The following ITFG1 variants were observed in gnomAD, a reference collection of about 807,000 sequenced individuals.
ITFG1 encodes the protein T-cell immunomodulatory protein.
Under a neutral mutation model 81.8 loss-of-function variants are expected in ITFG1, and 34 were observed. That is an observed-to-expected ratio of 0.42 (90% CI 0.32 to 0.55). The LOEUF is 0.55. ITFG1 is among the 20% of genes least tolerant of loss of function. The pLI is 0.17. For synonymous variants in ITFG1, 285 were observed against 270.6 expected (o/e 1.05, Z -0.52); for missense variants, 672 against 755.4 (o/e 0.89, Z 1.29).
chr16:47,316,549 A>T (rs895679527), intron 8 of ITFG1, among the ~76,000 whole-genome samples: 1 of 152,178 alleles, frequency 6.6e-6, no homozygotes, highest in African/African-American at 2.4e-5. Flanking sequence ...TGTGCTATCT[A>T]TATTTCAGTT....
chr16:47,221,567 G>A (rs1042702905), intron 13 of ITFG1, among the ~76,000 whole-genome samples: 24 of 152,104 alleles, frequency 1.6e-4, no homozygotes, highest in African/African-American at 5.6e-4. Flanking sequence ...GTCTCTGCCC[G>A]GCTTTGGTAT....
chr16:47,279,618 T>G (rs1197526143), intron 10 of ITFG1, among the ~76,000 whole-genome samples: 1 of 152,160 alleles, frequency 6.6e-6, no homozygotes, highest in Non-Finnish European at 1.5e-5. Context: ...GCTATTTTGG[T>G]TCCTTTGTCT....
rs1043374524 is a variant in ITFG1 at position 47,259,147 on chromosome 16, G to A, written c.1222-407C>T. 2.0e-5 allele frequency among the ~76,000 whole-genome samples: 3 copies of A among 152,102 alleles called. No homozygotes were observed. The South Asian group carries it at 6.2e-4, about 32-fold the overall frequency. On this transcript the variant is annotated intron_variant, in intron 11 of 17. Coordinates refer to ENST00000320640, the MANE Select transcript of ITFG1 (RefSeq NM_030790.5). Reference sequence around the variant, plus strand: ...AGGAGGGAGCTTTGCTAATTTTGTCGAAGGAAATAAATGTATGCTTATTTA... The same window carrying A: ...AGGAGGGAGCTTTGCTAATTTTGTCAAAGGAAATAAATGTATGCTTATTTA...
At chr16:47,413,471 G>T (rs1281868687) in intron 6 of ITFG1, among the ~76,000 whole-genome samples, 2 of 152,204 alleles carry the variant, frequency 1.3e-5, no homozygotes, top group Non-Finnish European at 2.9e-5. Context: ...AAGGTGGACA[G>T]ATCACTTGAG....
chr16:47,177,280 T>C (rs765721542), intron 14 of ITFG1, among the ~76,000 whole-genome samples: 1 of 152,220 alleles, frequency 6.6e-6, no homozygotes, highest in African/African-American at 2.4e-5. Context: ...GATATATCTA[T>C]TAAAATCTTC....
intron 6 of ITFG1, among the ~76,000 whole-genome samples, chr16:47,395,043 T>A (rs1968577664): frequency 6.6e-6 from 1 of 152,170 alleles, no homozygotes; most frequent in Non-Finnish European, 1.5e-5. Context: ...AAGAGAAATG[T>A]GAACATCTTG....
chr16:47,167,199 T>C (rs1013890813), intron 14 of ITFG1, among the ~76,000 whole-genome samples: 3 of 152,232 alleles, frequency 2.0e-5, no homozygotes, highest in African/African-American at 7.2e-5. Context: ...TGTGTCTGGC[T>C]TCTTTCACTT....
chr16:47,379,309 T>C (rs991247049), intron 6 of ITFG1, among the ~76,000 whole-genome samples: 49 of 152,254 alleles, frequency 3.2e-4, no homozygotes, highest in African/African-American at 1.1e-3. Flanking sequence ...TTCATGCCCA[T>C]GAATCTCAGT....
rs535219336 is a variant in ITFG1, at chr16:47,376,022, A to C, written c.656-82T>G. On this transcript the variant is annotated intron_variant, in intron 6 of 17. Transcript: ENST00000320640. ...TAAAAACAGAAAAAAAATGCAATAC[A>C]TTAAAAGAATTGACACAATTCTACT... 230 of 712,920 alleles carry C rather than the reference A, an allele frequency of 3.2e-4. 1 individual carries two copies. In the South Asian group the frequency reaches 3.8e-3, roughly 12 times the overall value. 44.2% of individuals were successfully genotyped at this position (712,920 alleles called of 1,614,324 possible). A position where few individuals can be genotyped will look rare whatever the true frequency, so the allele number is the denominator to read the frequency against.
At chr16:47,453,212 T>A (rs1969410654) in intron 3 of ITFG1, among the ~76,000 whole-genome samples, 1 of 152,228 alleles carries the variant, frequency 6.6e-6, no homozygotes, top group East Asian at 1.9e-4. Context: ...TTTATTGACT[T>A]AATGAATATA....
chr16:47,416,159 G>T (rs1021743128), intron 6 of ITFG1, among the ~76,000 whole-genome samples: 11 of 151,802 alleles, frequency 7.2e-5, no homozygotes, highest in Non-Finnish European at 1.6e-4. Context: ...TTCATATGCA[G>T]AAACTCTTCA....
intron 6 of ITFG1, among the ~76,000 whole-genome samples, chr16:47,389,800 G>A (rs554348147): frequency 6.6e-6 from 1 of 152,230 alleles, no homozygotes; most frequent in African/African-American, 2.4e-5. Context: ...AGTTAAAAAA[G>A]TTACTAAAGG....
At chr16:47,411,387 T>C (rs975753961) in intron 6 of ITFG1, among the ~76,000 whole-genome samples, 2 of 152,002 alleles carry the variant, frequency 1.3e-5, no homozygotes, top group Non-Finnish European at 2.9e-5. Context: ...TTGGGGCAGA[T>C]ACCGGGGAGG....
intron 8 of ITFG1, among the ~76,000 whole-genome samples, chr16:47,329,761 G>T (rs1347079457): frequency 6.6e-6 from 1 of 152,048 alleles, no homozygotes; most frequent in African/African-American, 2.4e-5. Context: ...AGTATAAGAG[G>T]TTAAGTACCT....
At chr16:47,247,823 A>G (rs1049519368) in intron 12 of ITFG1, among the ~76,000 whole-genome samples, 1 of 152,170 alleles carries the variant, frequency 6.6e-6, no homozygotes, top group African/African-American at 2.4e-5. Flanking sequence ...AGAGGGAAGT[A>G]GCCTGGGTTT....
intron 16 of ITFG1, among the ~76,000 whole-genome samples, chr16:47,160,714 T>A (rs139303981): frequency 6.6e-6 from 1 of 152,262 alleles, no homozygotes; most frequent in African/African-American, 2.4e-5. Flanking sequence ...ATAAAATGCA[T>A]CTGCTGGTAT....
At chr16:47,186,488 A>G (rs1195701585) in intron 14 of ITFG1, among the ~76,000 whole-genome samples, 1 of 152,214 alleles carries the variant, frequency 6.6e-6, no homozygotes, top group Non-Finnish European at 1.5e-5. Context: ...TCCAGCATAG[A>G]AACAGAACCA....
At chr16:47,419,601 C>CTTTTTT (rs34405979) in intron 6 of ITFG1, among the ~76,000 whole-genome samples, 26 of 81,986 alleles carry the variant, frequency 3.2e-4, no homozygotes, top group Admixed American at 6.1e-4. Flanking sequence ...TACTTCAGGT[C>CTTTTTT]TTTTTTTTTT....
intron 8 of ITFG1, among the ~76,000 whole-genome samples, chr16:47,362,250 A>G (rs548573368): frequency 1.3e-5 from 2 of 152,238 alleles, no homozygotes; most frequent in South Asian, 4.2e-4. Context: ...CCTTTAGAAA[A>G]TACTGCATTT....
Sources: gnomAD v4.1 joint callset for allele counts (sites outside exome capture counted in the v4.1 genomes callset) on GRCh38, gnomAD v4.1.1 for gene constraint, MANE v1.5 for transcripts, NCBI Gene and HGNC (gene_info 2026-07-23, HGNC 2026-07-21) for gene names.